GTPBP2: variants seen among roughly 807,000 people sequenced by gnomAD.
GTPBP2 encodes GTP binding protein 2.
A neutral mutation model predicts 63.0 loss-of-function variants in GTPBP2; 32 were observed. That is an observed-to-expected ratio of 0.51 (90% confidence interval 0.38 to 0.68). The LOEUF is 0.68. Among genes scored for constraint, GTPBP2 ranks in the 30% least tolerant of loss-of-function variants. The pLI is 0.00. For missense variants in GTPBP2, 492 were observed against 796.9 expected, an observed-to-expected ratio of 0.62 and a Z score of 4.61; for synonymous variants, 310 against 322.6, an observed-to-expected ratio of 0.96 and a Z score of 0.42.
In GTPBP2 at chr6:43,624,413, G is replaced by T; in HGVS notation, c.1100+97C>A. ...ACACCCGCAGAACTAAGCCAGAACT[G>T]GTCTGGCCCTGGAGAAGTAGGATAT... On this transcript the variant is annotated intron_variant, in intron 7 of 11. Coordinates refer to ENST00000307126, the MANE Select transcript of GTPBP2 (RefSeq NM_019096.5). The surrounding 1 kb of genome is among the most constrained non-coding windows in gnomAD (Gnocchi z 5.1). The T allele has an allele frequency of 1.1e-6, 1 of 896,262 alleles. No individual in the cohort carries two copies. The highest frequency in any genetic ancestry group is 1.8e-6 in the Non-Finnish European group (1 of 560,932). The allele number at this position is 896,262 out of a possible 1,614,324, so 55.5% of individuals were successfully genotyped here.
upstream of GTPBP2, chr6:43,629,799 C>T: frequency 1.3e-6 from 2 of 1,560,750 alleles, no homozygotes; most frequent in South Asian, 1.2e-5. Context: ...AGGGCGGAGG[C>T]GGATGGTGAT....
chr6:43,629,640 C>T (rs1424989626), upstream of GTPBP2: 1 of 1,186,808 alleles, frequency 8.4e-7, no homozygotes, highest in Non-Finnish European at 1.2e-6. Flanking sequence ...CGGGATTTGG[C>T]CCTTTAGCGC....
chr6:43,624,477 G>A lies in GTPBP2; in HGVS notation c.1100+33C>T, dbSNP rs780945563. On this transcript the variant is annotated intron_variant, in intron 7 of 11. Transcript: ENST00000307126. The surrounding 1 kb of genome is among the most constrained non-coding windows in gnomAD (Gnocchi z 5.1). ...CCTGGGCTCTGTGGCAGCCTTCCTA[G>A]TGGATCAGGGCTTTAGAGTAAGGTG... 6 of 1,507,608 alleles carry A rather than the reference G, an allele frequency of 4.0e-6. No homozygotes were observed. Among genetic ancestry groups the A allele is most frequent in the Non-Finnish European group, 3.7e-6 (4 of 1,089,162 alleles). 93.4% of individuals were successfully genotyped at this position (1,507,608 alleles called of 1,614,324 possible).
upstream of GTPBP2, chr6:43,629,573 G>A: frequency 1.4e-6 from 1 of 697,994 alleles, no homozygotes; most frequent in South Asian, 1.6e-5. Context: ...CTGGGGTGGG[G>A]ACGCGAGGAC....
upstream of GTPBP2, among the ~76,000 whole-genome samples, chr6:43,630,388 C>G (rs904405145): frequency 6.6e-6 from 1 of 152,204 alleles, no homozygotes; most frequent in South Asian, 2.1e-4. Context: ...AGACCACTCA[C>G]AGTGTGTCCA....
At position 43,621,412 on chromosome 6, in the gene GTPBP2, C is replaced by T. The variant is rs762359966; in HGVS notation, c.*202G>A. On this transcript the variant is annotated 3_prime_UTR_variant, in exon 12 of 12. Transcript: ENST00000307126. ...CAGCTTCGGAGCACTGCCCTGAATC[C>T]TGTCTTCTCCCTCAGGACTGCCCTT... 33 of 1,536,664 alleles carry T rather than the reference C, an allele frequency of 2.1e-5. No individual in the cohort carries two copies. The highest frequency in any genetic ancestry group is 2.8e-5 in the Non-Finnish European group (32 of 1,138,072).
rs1343858170 is a variant in GTPBP2 at position 43,622,347 on chromosome 6, C to T, written c.1468-180G>A. Among the ~76,000 whole-genome samples, 2 of 152,092 alleles carry T rather than the reference C, an allele frequency of 1.3e-5. No homozygotes were observed. Among genetic ancestry groups the T allele is most frequent in the Non-Finnish European group, 2.9e-5 (2 of 67,956 alleles). Reference sequence around the variant, plus strand: ...GAGGGAATGAGTCTTTACCCACCTCCTACGTCCTCTAGCCCATCTAACGCT... The same window carrying T: ...GAGGGAATGAGTCTTTACCCACCTCTTACGTCCTCTAGCCCATCTAACGCT... On this transcript the variant is annotated intron_variant, in intron 10 of 11. Coordinates refer to ENST00000307126, the MANE Select transcript of GTPBP2 (RefSeq NM_019096.5). This position sits in a 1 kb window ranked among gnomAD's most constrained non-coding sequence, Gnocchi z 5.4.
In GTPBP2 at chr6:43,629,041, C is replaced by T; in HGVS notation, c.122G>A (p.Gly41Glu). The change falls in exon 1 of 12, where the codon GGA becomes GAA. Residue 41 changes from glycine to glutamate, a missense_variant. Around this residue, in one of 2 missense-constraint regions of GTPBP2, gnomAD observed 92 missense variants for 86.1 expected, o/e 1.07. Transcript: ENST00000307126. ...GSSSGCGGPK[G>E]KKKNGRNRGG... ...TCTGTTCCTTCCGTTCTTCTTCTTT[C>T]CCTTTGGCCCCCCGCAGCCGCTGCT... 6.2e-7 allele frequency: 1 copy of T among 1,612,354 alleles called. No homozygotes were observed. Among genetic ancestry groups the T allele is most frequent in the Non-Finnish European group, 8.5e-7 (1 of 1,179,318 alleles).
chr6:43,621,503 C>G lies in GTPBP2; in HGVS notation c.*111G>C. ...CAGGGAGCAAGTGGCAGACAGCACC[C>G]CTCTCTCCCTAGCCTATTAACACAC... On this transcript the variant is annotated 3_prime_UTR_variant, in exon 12 of 12. Coordinates refer to ENST00000307126, the MANE Select transcript of GTPBP2 (RefSeq NM_019096.5). 1 of 1,572,506 alleles carries G rather than the reference C, an allele frequency of 6.4e-7. No individual in the cohort carries two copies. The highest frequency in any genetic ancestry group is 1.4e-5 in the African/African-American group (1 of 73,988).
At position 43,622,403 on chromosome 6, in the gene GTPBP2, T is replaced by C. The variant is rs1036956278; in HGVS notation, c.1467+230A>G. Among the ~76,000 whole-genome samples, 1 of 152,156 alleles carries C rather than the reference T, an allele frequency of 6.6e-6. No homozygotes were observed. The highest frequency in any genetic ancestry group is 1.5e-5 in the Non-Finnish European group (1 of 68,014). On this transcript the variant is annotated intron_variant, in intron 10 of 11. Transcript: ENST00000307126. The surrounding 1 kb of genome is among the most constrained non-coding windows in gnomAD (Gnocchi z 5.4). ...TTTTTAGGGTCCTGAACACTAAAAA[T>C]AGTGTTCATTAAAAACAGTGTAACA...
rs1282179343 is a variant in GTPBP2 at position 43,622,891 on chromosome 6, T to A, written c.1296-87A>T. 15 of 1,102,370 alleles carry A rather than the reference T, an allele frequency of 1.4e-5. No homozygotes were observed. Among genetic ancestry groups the A allele is most frequent in the Admixed American group, 2.3e-5 (1 of 43,232 alleles). The allele number at this position is 1,102,370 out of a possible 1,614,324, so 68.3% of individuals were successfully genotyped here. On this transcript the variant is annotated intron_variant, in intron 9 of 11. Coordinates refer to ENST00000307126, the MANE Select transcript of GTPBP2 (RefSeq NM_019096.5). The surrounding 1 kb of genome is among the most constrained non-coding windows in gnomAD (Gnocchi z 5.4). ...AGGATCACCCAGAGCATTCCTTCCC[T>A]TCTAGGGTTGAGTCCCTCAAGTGGG...
At chr6:43,627,310 T>G (rs866212378) in intron 1 of GTPBP2, 1 of 1,057,926 alleles carries the variant, frequency 9.5e-7, no homozygotes, top group African/African-American at 1.7e-5. Flanking sequence ...GTCTCCTCTG[T>G]GCCCAGGCTG....
chr6:43,621,474 T>C lies in GTPBP2; in HGVS notation c.*140A>G, dbSNP rs1041481944. 4.5e-6 allele frequency: 7 copies of C among 1,552,580 alleles called. No individual in the cohort carries two copies. Among genetic ancestry groups the C allele is most frequent in the South Asian group, 3.6e-5 (3 of 84,018 alleles). ...CCAAGTTTGGCACCTCTCCAGAAAGTTGGCAGGGAGCAAGTGGCAGACAGC... is the reference window on the plus strand; with the variant it reads ...CCAAGTTTGGCACCTCTCCAGAAAGCTGGCAGGGAGCAAGTGGCAGACAGC... On this transcript the variant is annotated 3_prime_UTR_variant, in exon 12 of 12. Coordinates refer to ENST00000307126, the MANE Select transcript of GTPBP2 (RefSeq NM_019096.5).
chr6:43,626,555 A>C lies in GTPBP2; in HGVS notation c.214-145T>G, dbSNP rs1232051405. 14 of 645,916 alleles carry C rather than the reference A, an allele frequency of 2.2e-5. No homozygotes were observed. 40.0% of individuals were successfully genotyped at this position (645,916 alleles called of 1,614,324 possible). ...ATCCCCCTCCAACAGAACGAGGTAC[A>C]GAGCCCTTAACCTGAACCATATCCT... is the stretch of plus-strand genomic sequence containing the variant. On this transcript the variant is annotated intron_variant, in intron 2 of 11. Coordinates refer to ENST00000307126, the MANE Select transcript of GTPBP2 (RefSeq NM_019096.5). The surrounding 1 kb of genome is among the most constrained non-coding windows in gnomAD (Gnocchi z 4.0).
Position 43,625,776 on chromosome 6 carries a change from T to C in GTPBP2, c.487A>G (p.Lys163Glu). The C allele has an allele frequency of 6.2e-7, 1 of 1,613,568 alleles. No individual in the cohort carries two copies. Among genetic ancestry groups the C allele is most frequent in the Non-Finnish European group, 8.5e-7 (1 of 1,179,500 alleles). Reference protein sequence around the residue: ...PRKITEVLVRKVPDNQQFLDL... With the variant: ...PRKITEVLVREVPDNQQFLDL... ...CTCACCTGTTGGTTGTCAGGGACCT[T>C]TCGTACTAGCACCTCGGTGATCTTC... is the stretch of plus-strand genomic sequence containing the variant. Residue 163 changes from lysine to glutamate, a missense_variant, in exon 4 of 12, where the codon AAG becomes GAG. Lys to Glu is a moderately conservative substitution (Grantham distance 56, BLOSUM62 1). This residue lies in a region of GTPBP2 where 400 missense variants were observed against 710.8 expected (regional missense o/e 0.56). Coordinates refer to ENST00000307126, the MANE Select transcript of GTPBP2 (RefSeq NM_019096.5). The surrounding 1 kb of genome is among the most constrained non-coding windows in gnomAD (Gnocchi z 5.1).
chr6:43,622,607 C>T lies in GTPBP2; in HGVS notation c.1467+26G>A. On this transcript the variant is annotated intron_variant, in intron 10 of 11. Transcript: ENST00000307126. The surrounding 1 kb of genome is among the most constrained non-coding windows in gnomAD (Gnocchi z 5.4). ...TCCTAGGCACTTCTCTTAGCGTTCC[C>T]TCCCCAACCCATGCACCCACCTCAC... is the stretch of plus-strand genomic sequence containing the variant. 1 of 1,595,738 alleles carries T rather than the reference C, an allele frequency of 6.3e-7. No individual in the cohort carries two copies. Among genetic ancestry groups the T allele is most frequent in the Non-Finnish European group, 8.6e-7 (1 of 1,165,366 alleles).
rs1768857034 is a variant in GTPBP2, at chr6:43,622,521, A to T, written c.1467+112T>A. The stretch of plus-strand genomic sequence containing the variant: ...AGACCAGAAGCTTCTTGGGTCAGAG[A>T]GTGTGTTTCCTCTGAGTTTCTCTGA... On this transcript the variant is annotated intron_variant, in intron 10 of 11. Transcript: ENST00000307126. This position sits in a 1 kb window ranked among gnomAD's most constrained non-coding sequence, Gnocchi z 5.4. 3.0e-6 allele frequency: 3 copies of T among 1,015,534 alleles called. No individual in the cohort carries two copies. The highest frequency in any genetic ancestry group is 4.4e-6 in the Non-Finnish European group (3 of 676,934). The allele number at this position is 1,015,534 out of a possible 1,614,324, so 62.9% of individuals were successfully genotyped here.
upstream of GTPBP2, chr6:43,629,417 C>G: frequency 8.8e-6 from 5 of 570,166 alleles, no homozygotes; most frequent in Non-Finnish European, 1.5e-5. Flanking sequence ...GGAGGCATCG[C>G]GGCGCAAGTG....
chr6:43,629,839 T>A (rs1183328516), upstream of GTPBP2: 11 of 1,510,640 alleles, frequency 7.3e-6, no homozygotes, highest in South Asian at 2.4e-5. Flanking sequence ...ATTGTTGGGA[T>A]GATTATGCTA....
Sources: gnomAD v4.1 joint callset for allele counts (sites outside exome capture counted in the v4.1 genomes callset) on GRCh38, gnomAD v4.1.1 for gene constraint, gnomAD v4.1.1 regional missense constraint, Gnocchi (gnomAD v3.1) non-coding constraint, MANE v1.5 for transcripts, NCBI Gene and HGNC (gene_info 2026-07-23, HGNC 2026-07-21) for gene names.